Variants in KIRREL3 observed in about 807,000 individuals in gnomAD.
KIRREL3 encodes the protein kirre like nephrin family adhesion molecule 3, also known as kin of IRRE-like protein 3.
In KIRREL3, 36 loss-of-function variants were observed where a neutral mutation model predicts 89.7. The observed-to-expected ratio is 0.40, with a 90% CI of 0.31 to 0.53. KIRREL3 has a LOEUF of 0.53. KIRREL3 is among the 20% of genes least tolerant of loss of function. The pLI, the probability that KIRREL3 is intolerant of heterozygous loss-of-function variation, is 0.49. For missense variants in KIRREL3, 864 were observed against 1,056.6 expected (o/e 0.82, Z 2.53); for synonymous variants, 445 against 441.4 (o/e 1.01, Z -0.10).
At chr11:126,786,594 C>G (rs1241553948) in intron 1 of KIRREL3, among the ~76,000 whole-genome samples, 1 of 152,224 alleles carries the variant, frequency 6.6e-6, no homozygotes, top group Non-Finnish European at 1.5e-5. Flanking sequence ...CAGAGACACA[C>G]TGACTTCCTC....
rs1592071125 is a variant in KIRREL3 at position 126,750,689 on chromosome 11, G to A, written c.56-187777C>T. On this transcript the variant is annotated intron_variant, in intron 1 of 16. Coordinates refer to ENST00000525144, the MANE Select transcript of KIRREL3 (RefSeq NM_032531.4). The surrounding 1 kb of genome is among the most constrained non-coding windows in gnomAD (Gnocchi z 4.2). ...TAATTTAGTGGTTCCCCAGCTTCTG[G>A]TTCCCTGACACCAGGAAGTAGGTAT... is the stretch of plus-strand genomic sequence containing the variant. 6.6e-6 allele frequency among the ~76,000 whole-genome samples: 1 copy of A among 152,178 alleles called. No individual in the cohort carries two copies. The highest frequency in any genetic ancestry group is 1.9e-4 in the East Asian group (1 of 5,190).
At chr11:126,529,390 G>A (rs1477977799) in intron 2 of KIRREL3, among the ~76,000 whole-genome samples, 2 of 152,162 alleles carry the variant, frequency 1.3e-5, no homozygotes, top group Non-Finnish European at 2.9e-5. Context: ...TCAGAGCCAG[G>A]GGTGGCAGCA....
Position 126,923,196 on chromosome 11 carries a change from T to TTCTTCTTTTCTTCTTCTTC in KIRREL3, c.55+77258_55+77259insGAAGAAGAAGAAAAGAAGA, listed in dbSNP as rs1565423243. 4.3e-4 allele frequency among the ~76,000 whole-genome samples: 4 copies of TTCTTCTTTTCTTCTTCTTC among 9,340 alleles called. 2 individuals carry two copies. Among genetic ancestry groups the TTCTTCTTTTCTTCTTCTTC allele is most frequent in the Non-Finnish European group, 7.0e-4 (4 of 5,736 alleles). The allele number at this position is 9,340 out of a possible 152,430, so 6.1% of individuals were successfully genotyped here. On this transcript the variant is annotated intron_variant, in intron 1 of 16. Transcript: ENST00000525144. ...TTCTTCTCTTCTTCTTCTCTTCTTC[T>TTCTTCTTTTCTTCTTCTTC]TCTTCTTCTTCTTCTTCTTCTTCTT... is the stretch of plus-strand genomic sequence containing the variant.
chr11:126,779,821 A>G (rs1416474747), intron 1 of KIRREL3, among the ~76,000 whole-genome samples: 1 of 152,096 alleles, frequency 6.6e-6, no homozygotes, highest in Admixed American at 6.5e-5. Flanking sequence ...GTGGTGTTCC[A>G]GTTTCCATGA....
In KIRREL3 at chr11:126,608,766, C is replaced by T. The variant is rs1357060530; in HGVS notation, c.56-45854G>A. 6.6e-6 allele frequency among the ~76,000 whole-genome samples: 1 copy of T among 152,214 alleles called. No individual in the cohort carries two copies. The highest frequency in any genetic ancestry group is 2.4e-5 in the African/African-American group (1 of 41,450). On this transcript the variant is annotated intron_variant, in intron 1 of 16. Transcript: ENST00000525144. This position sits in a 1 kb window ranked among gnomAD's most constrained non-coding sequence, Gnocchi z 4.9. ...GCAGAGCATTGGGCCTGCTGGCAAA[C>T]TGCTAACTGGCACAGGTGACTTGCA...
chr11:126,583,728 C>T (rs1201846167), intron 1 of KIRREL3, among the ~76,000 whole-genome samples: 1 of 149,598 alleles, frequency 6.7e-6, no homozygotes, highest in Non-Finnish European at 1.5e-5. Flanking sequence ...GAGAGCAAGC[C>T]CTCAGTACGG....
In KIRREL3 at chr11:126,970,474, C is replaced by G. The variant is rs1281725203; in HGVS notation, c.55+29981G>C. Among the ~76,000 whole-genome samples the G allele has an allele frequency of 6.6e-6, 1 of 152,148 alleles. No homozygotes were observed. Among genetic ancestry groups the G allele is most frequent in the Non-Finnish European group, 1.5e-5 (1 of 68,024 alleles). The stretch of plus-strand genomic sequence containing the variant: ...ACATTAGACAAAAAGTAACCAGTAC[C>G]ATCAATCTTTAAAACCCCTACAGTG... On this transcript the variant is annotated intron_variant, in intron 1 of 16. Coordinates refer to ENST00000525144, the MANE Select transcript of KIRREL3 (RefSeq NM_032531.4). The surrounding 1 kb of genome is among the most constrained non-coding windows in gnomAD (Gnocchi z 4.4).
intron 1 of KIRREL3, among the ~76,000 whole-genome samples, chr11:126,680,869 C>A (rs1343194058): frequency 6.6e-6 from 1 of 151,958 alleles, no homozygotes; most frequent in Non-Finnish European, 1.5e-5. Context: ...TAAATGAATG[C>A]CAGAAATATT....
At chr11:126,674,318 T>A (rs1946090619) in intron 1 of KIRREL3, among the ~76,000 whole-genome samples, 1 of 152,240 alleles carries the variant, frequency 6.6e-6, no homozygotes, top group African/African-American at 2.4e-5. Context: ...CAGGTTTTCA[T>A]AGCTTTTGCA....
At chr11:126,678,627 G>A (rs201667101) in intron 1 of KIRREL3, among the ~76,000 whole-genome samples, 2,368 of 53,678 alleles carry the variant, frequency 0.044, no homozygotes, top group Middle Eastern at 0.07. Flanking sequence ...AAAAAAAAAA[G>A]AAGTGGAGAA....
rs562927834 is a variant in KIRREL3, at chr11:126,735,722, C to A, written c.56-172810G>T. On this transcript the variant is annotated intron_variant, in intron 1 of 16. Coordinates refer to ENST00000525144, the MANE Select transcript of KIRREL3 (RefSeq NM_032531.4). The stretch of plus-strand genomic sequence containing the variant: ...TTTCTGTAGGAACTGAAGTCAATTG[C>A]CCTTTAGGCAGAACCAAACCAAAGA... Among the ~76,000 whole-genome samples the A allele has an allele frequency of 2.0e-5, 3 of 152,320 alleles. No individual in the cohort carries two copies. The East Asian group carries it at 5.8e-4, about 29-fold the overall frequency.
rs1240567164 is a variant in KIRREL3, at chr11:126,924,546, C to T, written c.55+75909G>A. 2.6e-5 allele frequency among the ~76,000 whole-genome samples: 4 copies of T among 152,212 alleles called. No homozygotes were observed. Among genetic ancestry groups the T allele is most frequent in the Non-Finnish European group, 4.4e-5 (3 of 68,036 alleles). The stretch of plus-strand genomic sequence containing the variant: ...AGGAACATCTTTGGCTTCACACACC[C>T]GACCCACAGACTGCGCTTCAGCTGC... On this transcript the variant is annotated intron_variant, in intron 1 of 16. Transcript: ENST00000525144. The surrounding 1 kb of genome is among the most constrained non-coding windows in gnomAD (Gnocchi z 4.7).
rs1175202611 is a variant in KIRREL3, at chr11:126,640,173, C to T, written c.56-77261G>A. The stretch of plus-strand genomic sequence containing the variant: ...AGAAGCTCTATGATTTTCTGTCTAT[C>T]TCACTCACCCTTCAGCTGGTGAGTG... On this transcript the variant is annotated intron_variant, in intron 1 of 16. Coordinates refer to ENST00000525144, the MANE Select transcript of KIRREL3 (RefSeq NM_032531.4). The surrounding 1 kb of genome is among the most constrained non-coding windows in gnomAD (Gnocchi z 4.9). 6.6e-6 allele frequency among the ~76,000 whole-genome samples: 1 copy of T among 152,122 alleles called. No homozygotes were observed. Among genetic ancestry groups the T allele is most frequent in the East Asian group, 1.9e-4 (1 of 5,190 alleles).
At chr11:126,434,306 G>A (rs1955240555) in intron 13 of KIRREL3, among the ~76,000 whole-genome samples, 1 of 152,270 alleles carries the variant, frequency 6.6e-6, no homozygotes, top group African/African-American at 2.4e-5. Context: ...CTCTGGATGA[G>A]TGTCAGCAGA....
chr11:126,589,893 G>A (rs1942056485), intron 1 of KIRREL3, among the ~76,000 whole-genome samples: 1 of 152,150 alleles, frequency 6.6e-6, no homozygotes, highest in South Asian at 2.1e-4. Flanking sequence ...CCCAGCTGCT[G>A]GCTGAGGCTC....
rs1944444895 is a variant in KIRREL3 at position 126,640,954 on chromosome 11, AAAC to A, written c.56-78045_56-78043del. ...GTATCCACAGCCTAGACCACCCCCTAAACTCTGGACTCATCTATCCAATTGCCT... is the reference window on the plus strand; with the variant it reads ...GTATCCACAGCCTAGACCACCCCCTATCTGGACTCATCTATCCAATTGCCT... On this transcript the variant is annotated intron_variant, in intron 1 of 16. Transcript: ENST00000525144. This position sits in a 1 kb window ranked among gnomAD's most constrained non-coding sequence, Gnocchi z 4.9. 6.6e-6 allele frequency among the ~76,000 whole-genome samples: 1 copy of A among 152,028 alleles called. No homozygotes were observed. The highest frequency in any genetic ancestry group is 1.5e-5 in the Non-Finnish European group (1 of 68,008).
At chr11:126,827,290 G>T (rs1314576839) in intron 1 of KIRREL3, among the ~76,000 whole-genome samples, 1 of 151,740 alleles carries the variant, frequency 6.6e-6, no homozygotes, top group Non-Finnish European at 1.5e-5. Context: ...TGAGTCTTCT[G>T]CTTCAGCCTC....
At chr11:126,806,396 G>A (rs77499773) in intron 1 of KIRREL3, among the ~76,000 whole-genome samples, 2,335 of 152,262 alleles carry the variant, frequency 0.015, 45 homozygotes, top group African/African-American at 0.049. Context: ...CTGTAAACTA[G>A]GTGGGTTGGC....
Position 126,424,559 on chromosome 11 carries a change from C to A in KIRREL3, c.*21G>T. 6.2e-7 allele frequency: 1 copy of A among 1,610,568 alleles called. No homozygotes were observed. Among genetic ancestry groups the A allele is most frequent in the African/African-American group, 1.3e-5 (1 of 74,982 alleles). On this transcript the variant is annotated 3_prime_UTR_variant, in exon 17 of 17. Coordinates refer to ENST00000525144, the MANE Select transcript of KIRREL3 (RefSeq NM_032531.4). ...GCCCTGACCTCTTCCCTGGCCCGTC[C>A]CCACCCGCGGTGTGTGATCCTTAGA... is the stretch of plus-strand genomic sequence containing the variant.
Sources: gnomAD v4.1 joint callset for allele counts (sites outside exome capture counted in the v4.1 genomes callset) on GRCh38, gnomAD v4.1.1 for gene constraint, Gnocchi (gnomAD v3.1) non-coding constraint, MANE v1.5 for transcripts, NCBI Gene and HGNC (gene_info 2026-07-23, HGNC 2026-07-21) for gene names.